The following ANO3 variants were observed in gnomAD, a reference collection of about 807,000 sequenced individuals.
The protein encoded by ANO3 is anoctamin 3.
A neutral mutation model predicts 144.8 loss-of-function variants in ANO3; 99 were observed. That is an observed-to-expected ratio of 0.68 (90% CI 0.58 to 0.81). The LOEUF (loss-of-function observed/expected upper bound fraction) is 0.81. Among genes scored for constraint, ANO3 ranks in the 30% least tolerant of loss-of-function variants. The pLI is 0.00. For synonymous variants in ANO3, 414 were observed against 392.6 expected (o/e 1.05, Z -0.64); for missense variants, 905 against 1,202.2 (o/e 0.75, Z 3.66).
chr11:26,502,562 G>A (rs1425768097), intron 4 of ANO3, among the ~76,000 whole-genome samples: 4 of 151,984 alleles, frequency 2.6e-5, no homozygotes, highest in African/African-American at 9.7e-5. Flanking sequence ...TATATGTGCT[G>A]GATAAAGACT....
At chr11:26,583,087 G>A (rs1851177816) in intron 14 of ANO3, among the ~76,000 whole-genome samples, 1 of 152,168 alleles carries the variant, frequency 6.6e-6, no homozygotes. Context: ...TATTTAATAT[G>A]CAAATGCCAA....
At chr11:26,235,280 G>A in intron 1 of ANO3, among the ~76,000 whole-genome samples, 1 of 152,112 alleles carries the variant, frequency 6.6e-6, no homozygotes, top group Non-Finnish European at 1.5e-5. Flanking sequence ...ATACAAGACT[G>A]CATATACTTT....
intron 1 of ANO3, among the ~76,000 whole-genome samples, chr11:26,363,635 T>C (rs1855984739): frequency 6.6e-6 from 1 of 152,146 alleles, no homozygotes. Context: ...GGCTTCAACA[T>C]AAAGTTCGGG....
chr11:26,404,790 G>T (rs1857233836), intron 1 of ANO3, among the ~76,000 whole-genome samples: 1 of 151,548 alleles, frequency 6.6e-6, no homozygotes, highest in Admixed American at 6.6e-5. Flanking sequence ...TTACAGAAAA[G>T]GCTTCATAAA....
intron 4 of ANO3, among the ~76,000 whole-genome samples, chr11:26,484,458 C>T (rs1388807934): frequency 6.6e-6 from 1 of 152,130 alleles, no homozygotes; most frequent in East Asian, 1.9e-4. Flanking sequence ...GGTGTTAAGC[C>T]TGCATGTTCA....
At chr11:26,425,826 T>C (rs553720116) in intron 1 of ANO3, among the ~76,000 whole-genome samples, 1 of 152,168 alleles carries the variant, frequency 6.6e-6, no homozygotes, top group Non-Finnish European at 1.5e-5. Context: ...TCTAAGTGTC[T>C]TATTTATTTC....
intron 1 of ANO3, among the ~76,000 whole-genome samples, chr11:26,424,195 A>G (rs1343636906): frequency 6.6e-6 from 1 of 151,784 alleles, no homozygotes; most frequent in Non-Finnish European, 1.5e-5. Context: ...ATACATTGCA[A>G]TCTATCCTAC....
intron 1 of ANO3, among the ~76,000 whole-genome samples, chr11:26,250,455 T>C (rs1852901887): frequency 6.6e-6 from 1 of 152,182 alleles, no homozygotes; most frequent in Non-Finnish European, 1.5e-5. Flanking sequence ...AGTTAAATGG[T>C]TAAATTTCCA....
intron 6 of ANO3, among the ~76,000 whole-genome samples, chr11:26,523,624 A>T (rs1862175198): frequency 6.6e-6 from 1 of 152,172 alleles, no homozygotes; most frequent in South Asian, 2.1e-4. Flanking sequence ...AAGGGAGGAG[A>T]AGTCTCTTTC....
chr11:26,616,685 C>G (rs898722366), intron 17 of ANO3, among the ~76,000 whole-genome samples: 4 of 152,178 alleles, frequency 2.6e-5, no homozygotes, highest in African/African-American at 9.7e-5. Flanking sequence ...AAGCTGAAAA[C>G]TTGTCAGACC....
chr11:26,287,077 G>T (rs748576787), intron 1 of ANO3, among the ~76,000 whole-genome samples: 1 of 152,066 alleles, frequency 6.6e-6, no homozygotes, highest in African/African-American at 2.4e-5. Context: ...TAGGTTCATG[G>T]ATATTTGACA....
chr11:26,607,033 AG>A (rs1190034551), intron 17 of ANO3, among the ~76,000 whole-genome samples: 2 of 152,150 alleles, frequency 1.3e-5, no homozygotes, highest in Non-Finnish European at 2.9e-5. Context: ...TATGAAGTAT[AG>A]TTTGACTGGA....
chr11:26,269,514 T>G (rs956994478), intron 1 of ANO3, among the ~76,000 whole-genome samples: 12 of 152,162 alleles, frequency 7.9e-5, no homozygotes, highest in Non-Finnish European at 1.6e-4. Flanking sequence ...AAATATGGAA[T>G]GGGGGAGCCA....
chr11:26,194,444 G>GTGTGTGTGTGTA (rs566971406), intron 1 of ANO3, among the ~76,000 whole-genome samples: 29,446 of 91,924 alleles, frequency 0.32, 4,005 homozygotes, highest in Non-Finnish European at 0.35. Flanking sequence ...ATAGTGGTGT[G>GTGTGTGTGTGTA]TGTGTGTGTG....
rs192505052 is a variant in ANO3 at position 26,370,361 on chromosome 11, A to T, written c.46+38040A>T. 2.6e-5 allele frequency among the ~76,000 whole-genome samples: 4 copies of T among 152,246 alleles called. No homozygotes were observed. The East Asian group carries it at 7.7e-4, about 29-fold the overall frequency. On this transcript the variant is annotated intron_variant, in intron 1 of 26. Coordinates refer to ENST00000256737, the MANE Select transcript of ANO3 (RefSeq NM_031418.4). ...ATTATAAGCTTCCTGAGGCCTCCCC[A>T]GCCATGCTGAGTCAATTAAACCTCT...
intron 4 of ANO3, among the ~76,000 whole-genome samples, chr11:26,506,626 T>G (rs1861445328): frequency 6.6e-6 from 1 of 152,188 alleles, no homozygotes. Flanking sequence ...ATCTCAGAGC[T>G]TTTTTATTCA....
chr11:26,534,210 C>T (rs1374887804), intron 8 of ANO3, among the ~76,000 whole-genome samples: 1 of 152,208 alleles, frequency 6.6e-6, no homozygotes, highest in African/African-American at 2.4e-5. Context: ...GCTATCTATT[C>T]TCTCCTTGTT....
At chr11:26,570,417 C>G in intron 14 of ANO3, among the ~76,000 whole-genome samples, 1 of 152,052 alleles carries the variant, frequency 6.6e-6, no homozygotes. Flanking sequence ...TGTCCAGGCT[C>G]TCTGTTGAAA....
chr11:26,555,345 ACTT>A (rs1361593894), intron 13 of ANO3, among the ~76,000 whole-genome samples: 1 of 152,172 alleles, frequency 6.6e-6, no homozygotes, highest in South Asian at 2.1e-4. Context: ...AAATCCAGAT[ACTT>A]CTTCTTTCAC....
Sources: gnomAD v4.1 joint callset for allele counts (sites outside exome capture counted in the v4.1 genomes callset) on GRCh38, gnomAD v4.1.1 for gene constraint, MANE v1.5 for transcripts, NCBI Gene and HGNC (gene_info 2026-07-23, HGNC 2026-07-21) for gene names.